CEP85L: variants seen among roughly 807,000 people sequenced by gnomAD.
CEP85L encodes centrosomal protein 85L.
Under a neutral mutation model 100.3 loss-of-function variants are expected in CEP85L, and 60 were observed. The observed-to-expected ratio is 0.60, with a 90% CI of 0.49 to 0.74. The LOEUF is 0.74. CEP85L is among the 30% of genes least tolerant of loss of function. The probability of loss-of-function intolerance (pLI) is 0.00; values close to 1 mark genes in which losing one functional copy is unlikely to be tolerated. For missense variants in CEP85L, 973 were observed against 936.2 expected (o/e 1.04, Z -0.51); for synonymous variants, 319 against 322.7 (o/e 0.99, Z 0.12).
At chr6:118,501,749 C>G in intron 5 of CEP85L, 1 of 876,074 alleles carries the variant, frequency 1.1e-6, no homozygotes. Context: ...CTTGAAAAAA[C>G]TTGAAAGCAG....
At chr6:118,522,228 C>T (rs1427816565) in intron 4 of CEP85L, among the ~76,000 whole-genome samples, 2 of 152,134 alleles carry the variant, frequency 1.3e-5, no homozygotes, top group Middle Eastern at 3.4e-3. Flanking sequence ...GGCGTGACGG[C>T]GCATGGCTGT....
intron 2 of CEP85L, among the ~76,000 whole-genome samples, chr6:118,578,795 G>A (rs563131109): frequency 6.6e-6 from 1 of 152,290 alleles, no homozygotes; most frequent in South Asian, 2.1e-4. Context: ...ACTGATGCAG[G>A]CAGCACCCTT....
At position 118,475,503 on chromosome 6, in the gene CEP85L, G is replaced by A. The variant is rs572391306; in HGVS notation, c.1914+4368C>T. On this transcript the variant is annotated intron_variant, in intron 10 of 12. Transcript: ENST00000368491. Reference sequence around the variant, plus strand: ...TGAGTAGCTGGGACTATAGGCGCCCGCCACCACGCCTGGCTAATTTTTTGT... The same window carrying A: ...TGAGTAGCTGGGACTATAGGCGCCCACCACCACGCCTGGCTAATTTTTTGT... Among the ~76,000 whole-genome samples, 687 of 151,670 alleles carry A rather than the reference G, an allele frequency of 4.5e-3. 3 individuals are homozygous for A. Among genetic ancestry groups the A allele is most frequent in the Non-Finnish European group, 6.0e-3 (409 of 67,862 alleles).
chr6:118,488,852 G>A (rs1473425787), intron 6 of CEP85L, among the ~76,000 whole-genome samples: 5 of 152,224 alleles, frequency 3.3e-5, no homozygotes, highest in Admixed American at 1.3e-4. Context: ...ATAAGACTAT[G>A]AGCAGATTTC....
chr6:118,500,958 G>C (rs974472618), intron 5 of CEP85L, among the ~76,000 whole-genome samples: 2 of 152,158 alleles, frequency 1.3e-5, no homozygotes, highest in Admixed American at 1.3e-4. Flanking sequence ...TCTCCACATG[G>C]TCTTGATCTC....
intron 1 of CEP85L, among the ~76,000 whole-genome samples, chr6:118,703,073 A>G (rs1436244986): frequency 6.6e-6 from 1 of 151,724 alleles, no homozygotes; most frequent in Non-Finnish European, 1.5e-5. Context: ...ACTTGCTTTG[A>G]CCAATAGAAT....
At chr6:118,683,774 C>T (rs546937876) in intron 1 of CEP85L, among the ~76,000 whole-genome samples, 8 of 152,198 alleles carry the variant, frequency 5.3e-5, no homozygotes, top group East Asian at 1.9e-4. Context: ...AAGCCCTGAG[C>T]TTACTCAGCT....
intron 1 of CEP85L, among the ~76,000 whole-genome samples, chr6:118,695,853 G>GCACTCAAT (rs1777191121): frequency 6.6e-6 from 1 of 152,114 alleles, no homozygotes. Flanking sequence ...AGGGTGATGA[G>GCACTCAAT]GGCTACTAAT....
At chr6:118,669,181 A>G (rs1156715934) in intron 1 of CEP85L, among the ~76,000 whole-genome samples, 1 of 152,224 alleles carries the variant, frequency 6.6e-6, no homozygotes, top group Non-Finnish European at 1.5e-5. Context: ...CACAGAGGTA[A>G]CAGATAGGGC....
At chr6:118,703,841 T>C (rs1276407792) in intron 1 of CEP85L, among the ~76,000 whole-genome samples, 1 of 152,204 alleles carries the variant, frequency 6.6e-6, no homozygotes, top group African/African-American at 2.4e-5. Flanking sequence ...TTTAAAAATA[T>C]ATTTAATGTT....
chr6:118,565,656 ATC>A lies in CEP85L; in HGVS notation c.891_892del (p.Gln297HisfsTer15), dbSNP rs773333090. On this transcript the variant is annotated frameshift_variant, in exon 3 of 13. Transcript: ENST00000368491. LOFTEE classifies it high-confidence loss of function. ...TGTCCGCAGCTGCTCTGTAAGCCACATCTGAGTCCTTACGGAAGGCTGAATGG... is the reference window on the plus strand; with the variant it reads ...TGTCCGCAGCTGCTCTGTAAGCCACATGAGTCCTTACGGAAGGCTGAATGG... 6.2e-7 allele frequency: 1 copy of A among 1,614,212 alleles called. No individual in the cohort carries two copies. Among genetic ancestry groups the A allele is most frequent in the Non-Finnish European group, 8.5e-7 (1 of 1,180,048 alleles).
At chr6:118,552,920 A>C (rs1778636114) in intron 3 of CEP85L, among the ~76,000 whole-genome samples, 2 of 152,020 alleles carry the variant, frequency 1.3e-5, no homozygotes, top group Admixed American at 1.3e-4. Context: ...AATACTCTTG[A>C]TTCTAGGGCC....
Position 118,651,245 on chromosome 6 carries a change from C to T in CEP85L, c.25G>A (p.Glu9Lys), listed in dbSNP as rs1209183688. MWGRFLAP[E>K]ASGRDSPGGA... ...CCGGGGCTATCCCGGCCGCTGGCCT[C>T]CGGAGCCAGGAAGCGCCCCCACATC... Residue 9 changes from glutamate to lysine, a missense_variant, in exon 1 of 13, where the codon GAG (glutamate) becomes AAG (lysine). By Grantham distance (56) the Glu-to-Lys change is moderately conservative (BLOSUM62 1). Transcript: ENST00000368491. The T allele has an allele frequency of 2.7e-6, 4 of 1,493,214 alleles. No individual in the cohort carries two copies. The African/African-American group carries it at 4.4e-5, about 16-fold the overall frequency. The allele number at this position is 1,493,214 out of a possible 1,614,324, so 92.5% of individuals were successfully genotyped here. A position where few individuals can be genotyped will look rare whatever the true frequency, so the allele number is the denominator to read the frequency against.
Position 118,565,687 on chromosome 6 carries a change from C to G in CEP85L, c.862G>C (p.Val288Leu). ...GTCCTTACGGAAGGCTGAATGGGAA[C>G]TCCACCTACTGCCTGTTGACCAAGC... is the stretch of plus-strand genomic sequence containing the variant. ...LMLGQQAVGGVPIQPSVRTQM... is the reference protein window; with the variant it reads ...LMLGQQAVGGLPIQPSVRTQM... Residue 288 changes from valine (V) to leucine (L), a missense_variant, in exon 3 of 13, where the codon GTT becomes CTT. Val to Leu is a conservative substitution (Grantham distance 32). Transcript: ENST00000368491. 1 of 1,614,202 alleles carries G rather than the reference C, an allele frequency of 6.2e-7. No individual in the cohort carries two copies. The highest frequency in any genetic ancestry group is 1.3e-5 in the African/African-American group (1 of 75,056).
chr6:118,686,025 G>A (rs1314418724), intron 1 of CEP85L, among the ~76,000 whole-genome samples: 5 of 152,128 alleles, frequency 3.3e-5, no homozygotes, highest in Non-Finnish European at 5.9e-5. Flanking sequence ...AAAGGAACTC[G>A]ATTCATTCCC....
chr6:118,493,407 G>C (rs546480931), intron 5 of CEP85L, among the ~76,000 whole-genome samples: 1 of 152,190 alleles, frequency 6.6e-6, no homozygotes, highest in East Asian at 1.9e-4. Context: ...TAGACTCTGA[G>C]CAAGTCTGAT....
chr6:118,505,409 C>CAAAAAAAAAAAAAAAAAAAA (rs56893664), intron 5 of CEP85L, among the ~76,000 whole-genome samples: 4 of 71,824 alleles, frequency 5.6e-5, no homozygotes, highest in East Asian at 2.9e-4. Context: ...TCACTGTACT[C>CAAAAAAAAAAAAAAAAAAAA]AAAAAAAAAA....
chr6:118,667,570 G>T (rs1776170998), intron 1 of CEP85L, among the ~76,000 whole-genome samples: 2 of 152,154 alleles, frequency 1.3e-5, no homozygotes, highest in Admixed American at 1.3e-4. Flanking sequence ...TTGGATATCT[G>T]ATTTATATAT....
At chr6:118,613,976 T>C (rs1772841844) in intron 2 of CEP85L, among the ~76,000 whole-genome samples, 1 of 151,870 alleles carries the variant, frequency 6.6e-6, no homozygotes, top group South Asian at 2.1e-4. Context: ...ACGAAAACAA[T>C]CCTTAACAAA....
Sources: allele counts gnomAD v4.1 joint callset (sites outside exome capture counted in the v4.1 genomes callset), GRCh38; gene constraint gnomAD v4.1.1; transcripts MANE v1.5; gene names NCBI Gene and HGNC (gene_info 2026-07-23, HGNC 2026-07-21).